The following LINGO2 variants were observed in gnomAD, a reference collection of about 807,000 sequenced individuals.
LINGO2 encodes leucine rich repeat and Ig domain containing 2, also known as leucine-rich repeat and immunoglobulin-like domain-containing nogo receptor-interacting protein 2.
A neutral mutation model predicts 30.6 loss-of-function variants in LINGO2; 14 were observed. The observed-to-expected ratio is 0.46, with a 90% CI of 0.30 to 0.72. LINGO2 has a LOEUF of 0.72. LINGO2 is among the 30% of genes least tolerant of loss of function. The pLI, the probability that LINGO2 is intolerant of heterozygous loss-of-function variation, is 0.07. For synonymous variants in LINGO2, 317 were observed against 288.5 expected (o/e 1.10, Z -1.00); for missense variants, 729 against 751.7 (o/e 0.97, Z 0.35).
At chr9:29,165,235 T>C in the LINGO2 span, among the ~76,000 whole-genome samples, 4 of 152,126 alleles carry the variant, frequency 2.6e-5, no homozygotes, top group Non-Finnish European at 5.9e-5. Context: ...TCCTAAAATA[T>C]TTTCCCAAAC....
chr9:28,581,969 A>G (rs1490167558), intron 1 of LINGO2, among the ~76,000 whole-genome samples: 1 of 151,978 alleles, frequency 6.6e-6, no homozygotes, highest in Non-Finnish European at 1.5e-5. Context: ...TAAACACATG[A>G]ACATTATCTT....
chr9:29,038,911 A>G, the LINGO2 span, among the ~76,000 whole-genome samples: 7 of 152,176 alleles, frequency 4.6e-5, no homozygotes, highest in South Asian at 4.1e-4. Flanking sequence ...AATGGTGTCT[A>G]CTGACTTTAT....
intron 3 of LINGO2, among the ~76,000 whole-genome samples, chr9:28,340,414 C>T (rs1182479488): frequency 6.6e-6 from 1 of 152,046 alleles, no homozygotes; most frequent in African/African-American, 2.4e-5. Flanking sequence ...GAACACATTA[C>T]ATTCTTTCTG....
chr9:28,629,939 C>A (rs1270056723), intron 1 of LINGO2, among the ~76,000 whole-genome samples: 1 of 146,764 alleles, frequency 6.8e-6, no homozygotes, highest in Non-Finnish European at 1.5e-5. Context: ...GACCCCACAA[C>A]AGTCCCCAGA....
At chr9:28,256,419 C>T (rs371011061) in intron 4 of LINGO2, among the ~76,000 whole-genome samples, 7 of 151,712 alleles carry the variant, frequency 4.6e-5, no homozygotes, top group South Asian at 2.1e-4. Context: ...TTCCAGGGGA[C>T]GTAGAAGTAA....
intron 2 of LINGO2, among the ~76,000 whole-genome samples, chr9:28,448,004 T>A (rs1330073881): frequency 6.6e-6 from 1 of 152,150 alleles, no homozygotes; most frequent in Non-Finnish European, 1.5e-5. Flanking sequence ...TCTCTATTCC[T>A]GTCCTTGTAC....
intron 3 of LINGO2, among the ~76,000 whole-genome samples, chr9:28,302,316 A>G (rs1388054401): frequency 6.6e-6 from 1 of 152,200 alleles, no homozygotes; most frequent in Non-Finnish European, 1.5e-5. Context: ...CCTCAAGAAC[A>G]GTGCCACTGC....
intron 4 of LINGO2, among the ~76,000 whole-genome samples, chr9:28,232,063 A>G (rs141441113): frequency 1.5e-3 from 235 of 152,206 alleles, no homozygotes; most frequent in African/African-American, 4.7e-3. Context: ...TATGTCTCTT[A>G]TATATTGGTA....
the LINGO2 span, among the ~76,000 whole-genome samples, chr9:28,919,033 T>C: frequency 1.1e-4 from 17 of 152,132 alleles, no homozygotes; most frequent in Admixed American, 5.2e-4. Flanking sequence ...TCCGTGAAAA[T>C]AGGTAAAAAT....
At chr9:28,932,292 T>G in the LINGO2 span, among the ~76,000 whole-genome samples, 1 of 152,040 alleles carries the variant, frequency 6.6e-6, no homozygotes, top group African/African-American at 2.4e-5. Flanking sequence ...TCCTTTAATT[T>G]TTGATGTAGC....
intron 2 of LINGO2, among the ~76,000 whole-genome samples, chr9:28,403,767 G>T (rs78620534): frequency 6.6e-6 from 1 of 151,146 alleles, no homozygotes; most frequent in Non-Finnish European, 1.5e-5. Flanking sequence ...TAGTAATTTG[G>T]TTCCTGCCTA....
intron 4 of LINGO2, among the ~76,000 whole-genome samples, chr9:28,063,111 T>C (rs1225949887): frequency 2.6e-5 from 4 of 152,118 alleles, no homozygotes; most frequent in African/African-American, 7.2e-5. Flanking sequence ...CAAAAAGACC[T>C]CACGAGCAGG....
At chr9:29,170,235 G>GTA in the LINGO2 span, among the ~76,000 whole-genome samples, 1 of 151,982 alleles carries the variant, frequency 6.6e-6, no homozygotes, top group African/African-American at 2.4e-5. Flanking sequence ...TAAAAATGTT[G>GTA]TATATATACA....
chr9:28,761,509 C>T, the LINGO2 span, among the ~76,000 whole-genome samples: 7 of 151,440 alleles, frequency 4.6e-5, no homozygotes, highest in African/African-American at 7.3e-5. Context: ...CGCACACACA[C>T]GTGTGTGTGT....
At chr9:28,181,166 T>G (rs1055468536) in intron 4 of LINGO2, among the ~76,000 whole-genome samples, 1 of 152,118 alleles carries the variant, frequency 6.6e-6, no homozygotes, top group African/African-American at 2.4e-5. Context: ...TGGGGTTCCT[T>G]TGCAAAATCA....
chr9:28,364,529 T>C (rs1472387380), intron 3 of LINGO2, among the ~76,000 whole-genome samples: 2 of 152,202 alleles, frequency 1.3e-5, no homozygotes, highest in African/African-American at 2.4e-5. Flanking sequence ...CCATTTTATA[T>C]AGCTCTCTAA....
chr9:28,840,526 C>G, the LINGO2 span, among the ~76,000 whole-genome samples: 5 of 151,864 alleles, frequency 3.3e-5, no homozygotes, highest in Non-Finnish European at 7.3e-5. Flanking sequence ...TGCCCCTCTC[C>G]AATCCATTCT....
chr9:28,690,383 ATT>A, the LINGO2 span, among the ~76,000 whole-genome samples: 2 of 152,124 alleles, frequency 1.3e-5, no homozygotes, highest in South Asian at 2.1e-4. Context: ...AAAAATGCAT[ATT>A]GTTTCCAGCT....
intron 4 of LINGO2, among the ~76,000 whole-genome samples, chr9:28,076,138 AC>A (rs1037646953): frequency 5.3e-5 from 8 of 152,120 alleles, no homozygotes; most frequent in Non-Finnish European, 1.2e-4. Flanking sequence ...AAAATCTGGT[AC>A]CACAATTCAC....
Sources: gnomAD v4.1 joint callset for allele counts (sites outside exome capture counted in the v4.1 genomes callset) on GRCh38, gnomAD v4.1.1 for gene constraint, MANE v1.5 for transcripts, NCBI Gene and HGNC (gene_info 2026-07-23, HGNC 2026-07-21) for gene names.